The following INO80 variants were observed in gnomAD, a reference collection of about 807,000 sequenced individuals.
INO80 encodes the protein INO80 complex ATPase subunit.
Under a neutral mutation model 203.4 loss-of-function variants are expected in INO80, and 20 were observed. The ratio of observed to expected loss-of-function variants is 0.10; its 90% CI spans 0.07 to 0.14. The LOEUF is 0.14. Ranked by LOEUF, INO80 falls within the 10% of genes least tolerant of loss-of-function variation. The probability of loss-of-function intolerance (pLI) is 1.00; values close to 1 mark genes in which losing one functional copy is unlikely to be tolerated. For synonymous variants in INO80, 726 were observed against 685.2 expected (o/e 1.06, Z -0.93); for missense variants, 1,419 against 1,914.4 (o/e 0.74, Z 4.83).
Position 41,005,581 on chromosome 15 carries a change from C to A in INO80, c.3497+12G>T. On this transcript the variant is annotated intron_variant, in intron 28 of 35. Coordinates refer to ENST00000648947, the MANE Select transcript of INO80 (RefSeq NM_017553.3). ...TTAAAAAGATAATTTTTGTAATTCC[C>A]ATGAACATTACCTGTTCTGAAAATC... The A allele has an allele frequency of 6.8e-7, 1 of 1,465,538 alleles. No homozygotes were observed. Among genetic ancestry groups the A allele is most frequent in the Non-Finnish European group, 9.5e-7 (1 of 1,052,338 alleles). The allele number at this position is 1,465,538 out of a possible 1,614,324, so 90.8% of individuals were successfully genotyped here.
chr15:40,990,399 C>A (rs185348968), intron 29 of INO80, among the ~76,000 whole-genome samples: 2 of 152,312 alleles, frequency 1.3e-5, no homozygotes, highest in African/African-American at 4.8e-5. Flanking sequence ...CTTGCTCTGT[C>A]ATCCAGGCTG....
chr15:41,026,461 G>A (rs907000050), intron 25 of INO80, among the ~76,000 whole-genome samples: 6 of 152,000 alleles, frequency 3.9e-5, no homozygotes, highest in Non-Finnish European at 8.8e-5. Context: ...GCTGAGGTGG[G>A]AGGATCACTT....
chr15:41,015,814 G>A lies in INO80; in HGVS notation c.3402+274C>T, dbSNP rs898184009. 4.6e-4 allele frequency among the ~76,000 whole-genome samples: 69 copies of A among 149,482 alleles called. 1 individual carries two copies. Among genetic ancestry groups the A allele is most frequent in the African/African-American group, 1.7e-3 (67 of 40,598 alleles). On this transcript the variant is annotated intron_variant, in intron 27 of 35. Transcript: ENST00000648947. Reference sequence around the variant, plus strand: ...AAAAAAAAAAGAGCTGAGTGTGGTGGTGCACGCCTGTAATCCCAGCTACTC... The same window carrying A: ...AAAAAAAAAAGAGCTGAGTGTGGTGATGCACGCCTGTAATCCCAGCTACTC...
At chr15:41,095,488 A>T in intron 4 of INO80, 113 bp downstream of exon 4, 1 of 745,276 alleles carries the variant, frequency 1.3e-6, no homozygotes. Context: ...CCAGTATAAG[A>T]GAATCATATT....
At position 40,983,808 on chromosome 15, in the gene INO80, G is replaced by T. The variant is rs538816119; in HGVS notation, c.4191C>A (p.Thr1397=). 2.2e-5 allele frequency: 35 copies of T among 1,612,534 alleles called. No individual in the cohort carries two copies. Among genetic ancestry groups the T allele is most frequent in the African/African-American group, 2.1e-4 (16 of 74,854 alleles). The change falls in exon 34 of 36, where the codon ACC becomes ACA. Residue 1397 remains threonine, a synonymous_variant. Transcript: ENST00000648947. ...PASSAPQSRA[T]NSPASITGSV... ...AGCCTGTTATGGATGCGGGAGAGTTGGTAGCTCGAGACTGAGGGGCTGAGG... is the reference window on the plus strand; with the variant it reads ...AGCCTGTTATGGATGCGGGAGAGTTTGTAGCTCGAGACTGAGGGGCTGAGG...
intron 24 of INO80, among the ~76,000 whole-genome samples, chr15:41,042,924 C>T (rs1393410037): frequency 1.3e-5 from 2 of 152,130 alleles, no homozygotes; most frequent in Non-Finnish European, 2.9e-5. Context: ...TTCAGCTCCC[C>T]GTGGCCCAAT....
At chr15:41,108,558 T>C (rs2045914805) in intron 1 of INO80, among the ~76,000 whole-genome samples, 1 of 146,960 alleles carries the variant, frequency 6.8e-6, no homozygotes, top group African/African-American at 2.5e-5. Flanking sequence ...CGCCACTGCA[T>C]TCCAGCCTGG....
intron 28 of INO80, among the ~76,000 whole-genome samples, chr15:40,998,543 A>G (rs1173365443): frequency 6.6e-6 from 1 of 152,200 alleles, no homozygotes; most frequent in African/African-American, 2.4e-5. Context: ...TCTTTCAAAG[A>G]AACACTGAAT....
At chr15:41,097,926 C>A (rs757388718) in intron 1 of INO80, among the ~76,000 whole-genome samples, 1 of 152,156 alleles carries the variant, frequency 6.6e-6, no homozygotes, top group African/African-American at 2.4e-5. Context: ...GCACTCCAGG[C>A]TGGGCAACGA....
intron 31 of INO80, 73 bp from the exon 32 acceptor site, chr15:40,985,499 G>T: frequency 9.3e-7 from 1 of 1,070,008 alleles, no homozygotes; most frequent in Non-Finnish European, 1.5e-6. Context: ...TAATTAAGGT[G>T]GCCATATCCC....
chr15:41,075,257 C>T (rs1338428340), intron 9 of INO80, among the ~76,000 whole-genome samples: 1 of 151,588 alleles, frequency 6.6e-6, no homozygotes, highest in African/African-American at 2.4e-5. Flanking sequence ...TGAAAATGTA[C>T]ACATGTCAGA....
chr15:41,023,283 G>A, intron 25 of INO80: 1 of 455,936 alleles, frequency 2.2e-6, no homozygotes. Context: ...GACTTGACAT[G>A]GCAGTATCCC....
At chr15:41,038,952 A>G (rs2044625251) in intron 24 of INO80, among the ~76,000 whole-genome samples, 1 of 152,212 alleles carries the variant, frequency 6.6e-6, no homozygotes, top group Non-Finnish European at 1.5e-5. Context: ...TACAACTTTA[A>G]GCATCTGTTG....
chr15:40,984,137 C>T, intron 33 of INO80, 60 bp downstream of exon 33: 1 of 1,554,814 alleles, frequency 6.4e-7, no homozygotes, highest in Non-Finnish European at 8.8e-7. Context: ...CAGTGTGTCC[C>T]TGCTACACGG....
rs756800225 is a variant in INO80, at chr15:41,027,671, C to G, written c.2973G>C (p.Arg991=). 5 of 1,613,798 alleles carry G rather than the reference C, an allele frequency of 3.1e-6. No homozygotes were observed. The highest frequency in any genetic ancestry group is 4.2e-6 in the Non-Finnish European group (5 of 1,179,826). ...GACGCAGCGAGGAGGTAGCTGATCT[C>G]CGCTGATGGACAACCTGGTCTGAGT... is the stretch of plus-strand genomic sequence containing the variant. ...SGYSDQVVHQ[R]RSATSSLRRC... The change falls in exon 25 of 36, where the codon CGG becomes CGC. Residue 991 remains arginine (R), a synonymous_variant. Coordinates refer to ENST00000648947, the MANE Select transcript of INO80 (RefSeq NM_017553.3).
intron 28 of INO80, among the ~76,000 whole-genome samples, chr15:41,001,849 C>T (rs930658568): frequency 1.3e-5 from 2 of 152,170 alleles, no homozygotes; most frequent in African/African-American, 4.8e-5. Flanking sequence ...GTTGAAACTG[C>T]AATTTTTTCT....
intron 5 of INO80, among the ~76,000 whole-genome samples, chr15:41,090,249 A>T (rs2045615189): frequency 6.6e-6 from 1 of 152,224 alleles, no homozygotes; most frequent in Non-Finnish European, 1.5e-5. Context: ...TTGCATTTGT[A>T]TGAAATGTCT....
chr15:41,031,235 A>G (rs1044605613), intron 24 of INO80, among the ~76,000 whole-genome samples: 2 of 151,992 alleles, frequency 1.3e-5, no homozygotes, highest in African/African-American at 2.4e-5. Context: ...CACACTATCC[A>G]ATTTCCCTTC....
At position 40,985,419 on chromosome 15, in the gene INO80, C is replaced by T. The variant is rs1465137013; in HGVS notation, c.3840G>A (p.Leu1280=). 1.2e-6 allele frequency: 2 copies of T among 1,612,882 alleles called. No homozygotes were observed. Among genetic ancestry groups the T allele is most frequent in the African/African-American group, 2.7e-5 (2 of 74,882 alleles). ...CCTGTTGCCGTTTCTCTTCCTGCCG[C>T]AGCCTCACTATCAAGAAAATGAATT... ...DDEELEKKLR[L]RQEEKRQQEE... is the part of the protein sequence containing the mutation. Residue 1280 remains leucine (L), a synonymous_variant, in exon 32 of 36, where the codon CTG becomes CTA. Transcript: ENST00000648947.
Sources: allele counts gnomAD v4.1 joint callset (sites outside exome capture counted in the v4.1 genomes callset), GRCh38; gene constraint gnomAD v4.1.1; transcripts MANE v1.5; gene names NCBI Gene and HGNC (gene_info 2026-07-23, HGNC 2026-07-21).